The following MAP2K5 variants were observed in gnomAD, a reference collection of about 807,000 sequenced individuals.
The protein encoded by MAP2K5 is dual specificity mitogen-activated protein kinase kinase 5.
MAP2K5 carries 49 observed loss-of-function variants against 83.1 expected under a neutral mutation model. The observed-to-expected ratio is 0.59, with a 90% CI of 0.47 to 0.75. The LOEUF (loss-of-function observed/expected upper bound fraction) is 0.75. Ranked by LOEUF, MAP2K5 falls within the 30% of genes least tolerant of loss-of-function variation. The pLI, the probability that MAP2K5 is intolerant of heterozygous loss-of-function variation, is 0.00. For synonymous variants in MAP2K5, 202 were observed against 191.8 expected, an observed-to-expected ratio of 1.05 and a Z score of -0.44; for missense variants, 457 against 557.5, an observed-to-expected ratio of 0.82 and a Z score of 1.82.
At chr15:67,762,375 G>A (rs2089964823) in intron 19 of MAP2K5, among the ~76,000 whole-genome samples, 1 of 152,000 alleles carries the variant, frequency 6.6e-6, no homozygotes, top group South Asian at 2.1e-4. Context: ...ACCAACAAGA[G>A]ACCTAAAATA....
intron 6 of MAP2K5, among the ~76,000 whole-genome samples, chr15:67,589,890 G>A (rs976886152): frequency 1.3e-5 from 2 of 151,770 alleles, no homozygotes; most frequent in African/African-American, 4.8e-5. Context: ...ATAAATTAGG[G>A]ATAATAACTA....
chr15:67,595,970 T>C (rs561058789), intron 7 of MAP2K5, among the ~76,000 whole-genome samples: 2 of 49,110 alleles, frequency 4.1e-5, no homozygotes, highest in South Asian at 1.1e-3. Context: ...TCTAAAGTTA[T>C]TTTTTCTTTT....
At chr15:67,583,526 T>C (rs186908077) in intron 4 of MAP2K5, among the ~76,000 whole-genome samples, 17 of 152,312 alleles carry the variant, frequency 1.1e-4, no homozygotes, top group African/African-American at 3.8e-4. Flanking sequence ...AGTCTTTTGC[T>C]TTTTGCTACC....
intron 16 of MAP2K5, among the ~76,000 whole-genome samples, chr15:67,725,170 C>T (rs1404524790): frequency 6.6e-6 from 1 of 152,218 alleles, no homozygotes; most frequent in Non-Finnish European, 1.5e-5. Context: ...CCAAACTGCA[C>T]TAAATTTTCT....
rs2090701991 is a variant in MAP2K5 at position 67,801,284 on chromosome 15, C to G, written c.1243-5362C>G. On this transcript the variant is annotated intron_variant, in intron 21 of 21. Transcript: ENST00000178640. The surrounding 1 kb of genome is among the most constrained non-coding windows in gnomAD (Gnocchi z 4.8). ...GAGGTCCCTTCGGCCTCTCAAATCA[C>G]CATTTACAGGGCAGTCACCTGATCA... Among the ~76,000 whole-genome samples the G allele has an allele frequency of 1.3e-5, 2 of 152,326 alleles. No homozygotes were observed. The highest frequency in any genetic ancestry group is 2.1e-4 in the South Asian group (1 of 4,824).
In MAP2K5 at chr15:67,774,167, ATGTGTG is replaced by A. The variant is rs10529511; in HGVS notation, c.1242+1446_1242+1451del. The stretch of plus-strand genomic sequence containing the variant: ...CCTTGAAAGCAAGTGATGTGTGTGT[ATGTGTG>A]TGTGTGTGTGTGTGTGTGTGTGTGT... On this transcript the variant is annotated intron_variant, in intron 21 of 21. Transcript: ENST00000178640. This position sits in a 1 kb window ranked among gnomAD's most constrained non-coding sequence, Gnocchi z 4.9. 0.026 allele frequency among the ~76,000 whole-genome samples: 3,820 copies of A among 149,412 alleles called. 45 individuals are homozygous for A. The highest frequency in any genetic ancestry group is 0.034 in the Non-Finnish European group (2,312 of 67,386).
At chr15:67,660,746 A>C (rs1362601595) in intron 12 of MAP2K5, among the ~76,000 whole-genome samples, 1 of 152,130 alleles carries the variant, frequency 6.6e-6, no homozygotes, top group African/African-American at 2.4e-5. Flanking sequence ...CACATGCAAG[A>C]TGAGGTTTGG....
At position 67,738,806 on chromosome 15, in the gene MAP2K5, C is replaced by G. The variant is rs1381115876; in HGVS notation, c.1075-9425C>G. On this transcript the variant is annotated intron_variant, in intron 17 of 21. Coordinates refer to ENST00000178640, the MANE Select transcript of MAP2K5 (RefSeq NM_145160.3). This position sits in a 1 kb window ranked among gnomAD's most constrained non-coding sequence, Gnocchi z 4.1. The stretch of plus-strand genomic sequence containing the variant: ...TTTCGTAAACAGAGTCTGAAAAATG[C>G]TGGACAGGATATTTCTATGGTCTGC... 6.6e-6 allele frequency among the ~76,000 whole-genome samples: 1 copy of G among 152,196 alleles called. No individual in the cohort carries two copies. Among genetic ancestry groups the G allele is most frequent in the Non-Finnish European group, 1.5e-5 (1 of 68,036 alleles).
chr15:67,772,654 A>G lies in MAP2K5; in HGVS notation c.1197-53A>G, dbSNP rs2090164509. ...ATAGCCATTGGTAGAAATTATAGCA[A>G]AAATATACAAATGACACAGATAACA... is the stretch of plus-strand genomic sequence containing the variant. On this transcript the variant is annotated intron_variant, in intron 20 of 21. Transcript: ENST00000178640. The G allele has an allele frequency of 3.2e-6, 4 of 1,248,662 alleles. No individual in the cohort carries two copies. The South Asian group carries it at 6.1e-5, about 19-fold the overall frequency. The allele number at this position is 1,248,662 out of a possible 1,614,324, so 77.3% of individuals were successfully genotyped here.
intron 13 of MAP2K5, among the ~76,000 whole-genome samples, chr15:67,684,340 A>G (rs897657633): frequency 2.0e-5 from 3 of 152,230 alleles, no homozygotes; most frequent in Non-Finnish European, 2.9e-5. Context: ...AGAGATTAGA[A>G]GGATTATGCT....
At chr15:67,558,867 T>G (rs2084680369) in intron 2 of MAP2K5, among the ~76,000 whole-genome samples, 1 of 152,252 alleles carries the variant, frequency 6.6e-6, no homozygotes, top group Non-Finnish European at 1.5e-5. Context: ...TTGTTTGTTT[T>G]TTCTTTTTTC....
At chr15:67,604,788 G>A (rs952118742) in intron 8 of MAP2K5, among the ~76,000 whole-genome samples, 8 of 151,764 alleles carry the variant, frequency 5.3e-5, no homozygotes, top group Non-Finnish European at 1.0e-4. Flanking sequence ...CCAGCTACTC[G>A]GGAGGCTGGG....
intron 9 of MAP2K5, among the ~76,000 whole-genome samples, chr15:67,643,318 A>C (rs1329361681): frequency 2.0e-5 from 3 of 152,236 alleles, no homozygotes; most frequent in Admixed American, 6.5e-5. Context: ...TTTTACACAA[A>C]AACAAAAATG....
intron 16 of MAP2K5, among the ~76,000 whole-genome samples, chr15:67,710,920 C>T (rs1031717609): frequency 6.6e-6 from 1 of 152,220 alleles, no homozygotes; most frequent in African/African-American, 2.4e-5. Context: ...GTTCTCTGTA[C>T]ATGTAATATC....
intron 16 of MAP2K5, among the ~76,000 whole-genome samples, chr15:67,726,437 A>G (rs1268096920): frequency 6.6e-6 from 1 of 152,268 alleles, no homozygotes; most frequent in Non-Finnish European, 1.5e-5. Flanking sequence ...TACATGATGA[A>G]CAAGCTGAGG....
chr15:67,663,100 A>G (rs2087278806), intron 12 of MAP2K5, among the ~76,000 whole-genome samples: 1 of 152,222 alleles, frequency 6.6e-6, no homozygotes, highest in Non-Finnish European at 1.5e-5. Context: ...AACATTTGAG[A>G]ATAAGTTACA....
At chr15:67,571,888 A>G (rs2084953776) in intron 3 of MAP2K5, among the ~76,000 whole-genome samples, 1 of 152,150 alleles carries the variant, frequency 6.6e-6, no homozygotes, top group African/African-American at 2.4e-5. Flanking sequence ...AGCACTATGC[A>G]AGGTGGTGGG....
intron 17 of MAP2K5, among the ~76,000 whole-genome samples, chr15:67,730,676 A>C (rs2089199586): frequency 1.3e-5 from 2 of 152,234 alleles, no homozygotes; most frequent in Non-Finnish European, 2.9e-5. Flanking sequence ...AGAACACATG[A>C]GAGCCTTTCA....
intron 16 of MAP2K5, among the ~76,000 whole-genome samples, chr15:67,709,790 A>C (rs1178877923): frequency 2.0e-5 from 3 of 152,218 alleles, no homozygotes; most frequent in Non-Finnish European, 4.4e-5. Flanking sequence ...GTCCTTCTTG[A>C]GTCAAAAAAT....
Sources: allele counts gnomAD v4.1 joint callset (sites outside exome capture counted in the v4.1 genomes callset), GRCh38; gene constraint gnomAD v4.1.1; non-coding constraint Gnocchi (gnomAD v3.1); transcripts MANE v1.5; gene names NCBI Gene and HGNC (gene_info 2026-07-23, HGNC 2026-07-21).